Variants in ANKRD24 observed in about 807,000 individuals in gnomAD.
ANKRD24 encodes the protein ankyrin repeat domain 24, also known as ankyrin repeat domain-containing protein 24.
A neutral mutation model predicts 127.8 loss-of-function variants in ANKRD24; 109 were observed. That is an observed-to-expected ratio of 0.85 (90% CI 0.73 to 1.00). The LOEUF (loss-of-function observed/expected upper bound fraction) is 1.00. Ranked by LOEUF, ANKRD24 falls within the 50% of genes least tolerant of loss-of-function variation. ANKRD24 has a pLI of 0.00. For synonymous variants in ANKRD24, 743 were observed against 671.1 expected, an observed-to-expected ratio of 1.11 and a Z score of -1.66; for missense variants, 1,648 against 1,570.2, an observed-to-expected ratio of 1.05 and a Z score of -0.84.
intron 1 of ANKRD24, 52 bp downstream of exon 1, chr19:4,182,792 G>A (rs1967801547): frequency 1.0e-6 from 1 of 977,396 alleles, no homozygotes; most frequent in Non-Finnish European, 1.2e-6. Context: ...CGGGAAATTG[G>A]GGCGGCCGCC....
At chr19:4,190,355 T>C (rs994409444) in intron 2 of ANKRD24, among the ~76,000 whole-genome samples, 31 of 138,754 alleles carry the variant, frequency 2.2e-4, no homozygotes, top group African/African-American at 8.2e-4. Flanking sequence ...ACCTGGGAGG[T>C]GGAGCTTGCA....
rs352501 is a variant in ANKRD24, at chr19:4,190,955, C to G, written c.36+4494C>G. 7.6e-3 allele frequency among the ~76,000 whole-genome samples: 1,161 copies of G among 152,186 alleles called. 6 individuals are homozygous for G. Among genetic ancestry groups the G allele is most frequent in the Middle Eastern group, 0.02 (6 of 294 alleles). ...GTGTGGGTGGCTAAAAAAGAGATACCTCATTCGGGATGTGGGTGTGTTTTG... is the reference window on the plus strand; with the variant it reads ...GTGTGGGTGGCTAAAAAAGAGATACGTCATTCGGGATGTGGGTGTGTTTTG... On this transcript the variant is annotated intron_variant, in intron 2 of 21. Transcript: ENST00000318934.
At position 4,217,463 on chromosome 19, in the gene ANKRD24, T is replaced by C. The variant is rs1970172130; in HGVS notation, c.2303T>C (p.Val768Ala). 6.7e-7 allele frequency: 1 copy of C among 1,484,346 alleles called. No homozygotes were observed. Among genetic ancestry groups the C allele is most frequent in the Non-Finnish European group, 8.9e-7 (1 of 1,122,130 alleles). The allele number at this position is 1,484,346 out of a possible 1,614,324, so 91.9% of individuals were successfully genotyped here. Residue 768 changes from valine (V) to alanine (A), a missense_variant, in exon 18 of 22, where the codon GTC (valine) becomes GCC (alanine). By Grantham distance (64) the Val-to-Ala change is moderately conservative. Transcript: ENST00000318934. Reference protein sequence around the residue: ...EAEAGRLRERVREAEGSGASG... With the variant: ...EAEAGRLRERAREAEGSGASG... ...GAGGCAGGCCGGCTGCGAGAGCGTG[T>C]CCGCGAGGCCGAGGGCAGCGGGGCC...
intron 18 of ANKRD24, among the ~76,000 whole-genome samples, 196 bp downstream of exon 18, chr19:4,218,359 G>A (rs559932887): frequency 6.6e-6 from 1 of 151,560 alleles, no homozygotes; most frequent in Non-Finnish European, 1.5e-5. Flanking sequence ...GAGTGTAGTG[G>A]TGTGATCTCA....
rs571444889 is a variant in ANKRD24 at position 4,217,948 on chromosome 19, C to G, written c.2788C>G (p.Arg930Gly). The G allele has an allele frequency of 7.3e-6, 11 of 1,506,360 alleles. No individual in the cohort carries two copies. Among genetic ancestry groups the G allele is most frequent in the Non-Finnish European group, 9.7e-6 (11 of 1,135,098 alleles). 93.3% of individuals were successfully genotyped at this position (1,506,360 alleles called of 1,614,324 possible). The part of the protein sequence containing the change: ...RRLQEEALEL[R>G]GRAASLEQEV... ...GCTGCAGGAGGAGGCCCTGGAGCTGCGGGGCCGGGCAGCCAGTCTGGAGCA... is the reference window on the plus strand; with the variant it reads ...GCTGCAGGAGGAGGCCCTGGAGCTGGGGGGCCGGGCAGCCAGTCTGGAGCA... The change falls in exon 18 of 22, where the codon CGG becomes GGG. Residue 930 changes from arginine to glycine, a missense_variant. Coordinates refer to ENST00000318934, the MANE Select transcript of ANKRD24 (RefSeq NM_001393985.1).
chr19:4,207,371 T>A (rs1206709988), intron 8 of ANKRD24, 59 bp downstream of exon 8: 1 of 1,590,388 alleles, frequency 6.3e-7, no homozygotes, highest in African/African-American at 1.3e-5. Flanking sequence ...TGCCACCAAG[T>A]GGCAGTATCT....
chr19:4,208,037 C>A, intron 10 of ANKRD24, 69 bp downstream of exon 10: 2 of 1,386,238 alleles, frequency 1.4e-6, no homozygotes, highest in South Asian at 1.7e-5. Flanking sequence ...TTCTCTTTAT[C>A]GTGAATAGTT....
intron 5 of ANKRD24, 55 bp downstream of exon 5, chr19:4,200,226 C>T (rs185580099): frequency 6.6e-7 from 1 of 1,515,078 alleles, no homozygotes; most frequent in Non-Finnish European, 8.9e-7. Flanking sequence ...GGTGCCCAGC[C>T]TGAGGGTCCA....
rs577185620 is a variant in ANKRD24, at chr19:4,195,645, C to A, written c.37-4038C>A. Among the ~76,000 whole-genome samples, 2 of 152,292 alleles carry A rather than the reference C, an allele frequency of 1.3e-5. No homozygotes were observed. Among genetic ancestry groups the A allele is most frequent in the East Asian group, 3.9e-4 (2 of 5,164 alleles). On this transcript the variant is annotated intron_variant, in intron 2 of 21. Coordinates refer to ENST00000318934, the MANE Select transcript of ANKRD24 (RefSeq NM_001393985.1). The surrounding 1 kb of genome is among the most constrained non-coding windows in gnomAD (Gnocchi z 4.2). ...GGGCGCAGTGGCTCACGCCTGTAAT[C>A]CCAACACTTTGAGAGGCCAAGGCAG...
intron 2 of ANKRD24, among the ~76,000 whole-genome samples, chr19:4,190,260 C>G (rs1184365654): frequency 6.6e-6 from 1 of 151,662 alleles, no homozygotes; most frequent in East Asian, 1.9e-4. Flanking sequence ...ACGGTGAAAC[C>G]CCGTCTCTAC....
Position 4,202,849 on chromosome 19 carries a change from A to C in ANKRD24, c.409-20A>C, listed in dbSNP as rs1393917647. ...AGCAAGAAGGATGGCTCCGCCTCAA[A>C]GGACTCGCCCCATCCCCAGGCTTCC... On this transcript the variant is annotated intron_variant, in intron 6 of 21. Coordinates refer to ENST00000318934, the MANE Select transcript of ANKRD24 (RefSeq NM_001393985.1). 4 of 1,578,922 alleles carry C rather than the reference A, an allele frequency of 2.5e-6. No individual in the cohort carries two copies. Among genetic ancestry groups the C allele is most frequent in the Non-Finnish European group, 2.6e-6 (3 of 1,162,392 alleles).
chr19:4,221,672 C>T (rs1255695486), intron 19 of ANKRD24, among the ~76,000 whole-genome samples: 5 of 152,148 alleles, frequency 3.3e-5, no homozygotes, highest in Non-Finnish European at 2.9e-5. Flanking sequence ...TAAAGAATGA[C>T]CCAGCCTCGA....
chr19:4,214,167 TA>T (rs1308483120), intron 15 of ANKRD24, among the ~76,000 whole-genome samples: 2 of 147,018 alleles, frequency 1.4e-5, no homozygotes, highest in African/African-American at 4.9e-5. Context: ...ATGCAACAAA[TA>T]TTTCTTTTTT....
chr19:4,222,109 C>T (rs1265546267), intron 19 of ANKRD24, among the ~76,000 whole-genome samples: 2 of 152,224 alleles, frequency 1.3e-5, no homozygotes, highest in Non-Finnish European at 2.9e-5. Flanking sequence ...GAACTATTGG[C>T]CGGGCGCGGT....
chr19:4,219,701 C>A lies in ANKRD24; in HGVS notation c.3114C>A (p.Arg1038=). The change falls in exon 19 of 22, where the codon CGC becomes CGA. Residue 1038 remains arginine (R), a synonymous_variant. Transcript: ENST00000318934. Reference sequence around the variant, plus strand: ...TACGGACCGAGGCGGAAAGGGCTCGCCAGGCCCAGAGCCGGGCCCAGGAGG... The same window carrying A: ...TACGGACCGAGGCGGAAAGGGCTCGACAGGCCCAGAGCCGGGCCCAGGAGG... ...RGLRTEAERA[R]QAQSRAQEAL... 6.2e-7 allele frequency: 1 copy of A among 1,613,676 alleles called. No homozygotes were observed. The highest frequency in any genetic ancestry group is 8.5e-7 in the Non-Finnish European group (1 of 1,179,774).
intron 19 of ANKRD24, 114 bp from the exon 20 acceptor site, chr19:4,222,556 G>A: frequency 7.6e-7 from 1 of 1,309,056 alleles, no homozygotes; most frequent in Non-Finnish European, 1.0e-6. Flanking sequence ...TAACCCCAGG[G>A]ACGGGACCTT....
chr19:4,207,108 A>C (rs781665275), intron 7 of ANKRD24, 134 bp from the exon 8 acceptor site: 4 of 481,360 alleles, frequency 8.3e-6, no homozygotes, highest in Non-Finnish European at 1.4e-5. Context: ...TTTTTTGTAG[A>C]GACAGGGTCT....
intron 6 of ANKRD24, 22 bp from the exon 7 acceptor site, chr19:4,202,847 A>T (rs1401120310): frequency 1.9e-6 from 3 of 1,577,378 alleles, no homozygotes; most frequent in Non-Finnish European, 2.6e-6. Context: ...GCTCCGCCTC[A>T]AAGGACTCGC....
At chr19:4,214,045 TACAG>T (rs1239441393) in intron 15 of ANKRD24, among the ~76,000 whole-genome samples, 1 of 152,134 alleles carries the variant, frequency 6.6e-6, no homozygotes, top group Non-Finnish European at 1.5e-5. Context: ...ACACACAGTT[TACAG>T]ACACGCAAGA....
Sources: gnomAD v4.1 joint callset for allele counts (sites outside exome capture counted in the v4.1 genomes callset) on GRCh38, gnomAD v4.1.1 for gene constraint, Gnocchi (gnomAD v3.1) non-coding constraint, MANE v1.5 for transcripts, NCBI Gene and HGNC (gene_info 2026-07-23, HGNC 2026-07-21) for gene names.